The following RGPD2 variants were observed in gnomAD, a reference collection of about 807,000 sequenced individuals.
RGPD2 encodes RANBP2-like and GRIP domain-containing protein 2.
In RGPD2, 2 loss-of-function variants were observed where a neutral mutation model predicts 36.0. The observed-to-expected ratio is 0.06, with a 90% confidence interval of 0.02 to 0.17. The LOEUF is 0.17. Among genes scored for constraint, RGPD2 ranks in the 10% least tolerant of loss-of-function variants. The probability of loss-of-function intolerance (pLI) is 1.00; values close to 1 mark genes in which losing one functional copy is unlikely to be tolerated. For missense variants in RGPD2, 40 were observed against 464.3 expected, an observed-to-expected ratio of 0.09 and a Z score of 8.40; for synonymous variants, 19 against 163.8, an observed-to-expected ratio of 0.12 and a Z score of 6.75.
chr2:87,922,151 G>A, the RGPD2 span, among the ~76,000 whole-genome samples: 1 of 151,442 alleles, frequency 6.6e-6, no homozygotes, highest in Admixed American at 6.6e-5. Context: ...AAATTAGCTG[G>A]GCGTGGTGGC....
At chr2:87,846,344 T>C in the RGPD2 span, among the ~76,000 whole-genome samples, 13 of 152,100 alleles carry the variant, frequency 8.5e-5, no homozygotes, top group African/African-American at 3.1e-4. Flanking sequence ...TTGCATACCA[T>C]TGAATTATGC....
the RGPD2 span, among the ~76,000 whole-genome samples, chr2:87,961,467 G>A: frequency 6.6e-6 from 1 of 151,862 alleles, no homozygotes; most frequent in Non-Finnish European, 1.5e-5. Flanking sequence ...TTGGGAGGCC[G>A]AGGCGGGCGG....
the RGPD2 span, among the ~76,000 whole-genome samples, chr2:87,866,981 T>A: frequency 1.3e-5 from 2 of 152,190 alleles, no homozygotes; most frequent in Non-Finnish European, 2.9e-5. Context: ...AAATCGATTT[T>A]TTTTCTTTTT....
At chr2:87,961,670 C>G in the RGPD2 span, among the ~76,000 whole-genome samples, 5 of 110,984 alleles carry the variant, frequency 4.5e-5, no homozygotes, top group African/African-American at 1.7e-4. Context: ...CCACTGCACT[C>G]AAGCCTGGGC....
At chr2:87,972,982 T>C in the RGPD2 span, 2 of 1,613,946 alleles carry the variant, frequency 1.2e-6, no homozygotes, top group Middle Eastern at 1.7e-4. Flanking sequence ...GTCCTTTCCC[T>C]ACCGGTTCAC....
chr2:87,930,409 C>T, the RGPD2 span, among the ~76,000 whole-genome samples: 13 of 152,038 alleles, frequency 8.6e-5, no homozygotes, highest in East Asian at 9.7e-4. Flanking sequence ...TGCATCCTGG[C>T]GATAAAGCCT....
rs1558739928 is a variant in RGPD2 at position 87,825,527 on chromosome 2, GAGGCCGAGGCCGAGGCCGCCGCCCGGCCA to G, written c.72+102_72+130del. ...CCGAGGCCGAGGCCGCCGCCCGGCC[GAGGCCGAGGCCGAGGCCGCCGCCCGGCCA>G]GGTCGAGGCCGCCGCCCGGCCAGGT... On this transcript the variant is annotated intron_variant, in intron 1 of 22. Transcript: ENST00000398146. 446 of 271,922 alleles carry G rather than the reference GAGGCCGAGGCCGAGGCCGCCGCCCGGCCA, an allele frequency of 1.6e-3. 7 individuals are homozygous for G. Among genetic ancestry groups the G allele is most frequent in the Admixed American group, 0.014 (41 of 2,906 alleles). The allele number at this position is 271,922 out of a possible 1,614,324, so 16.8% of individuals were successfully genotyped here. A position where few individuals can be genotyped will look rare whatever the true frequency, so the allele number is the denominator to read the frequency against.
chr2:87,866,235 G>T, the RGPD2 span, among the ~76,000 whole-genome samples: 1 of 150,908 alleles, frequency 6.6e-6, no homozygotes, highest in Non-Finnish European at 1.5e-5. Flanking sequence ...TTTTTTGTGT[G>T]TATTCACAGA....
At chr2:87,809,612 G>T (rs1260651267) in intron 6 of RGPD2, among the ~76,000 whole-genome samples, 2 of 137,214 alleles carry the variant, frequency 1.5e-5, no homozygotes, top group Non-Finnish European at 3.2e-5. Context: ...CACAAGGGGG[G>T]GTAACAAAGG....
the RGPD2 span, among the ~76,000 whole-genome samples, chr2:87,842,023 A>C: frequency 6.7e-6 from 1 of 149,716 alleles, no homozygotes; most frequent in Non-Finnish European, 1.5e-5. Flanking sequence ...TTCATGCTAA[A>C]AACTCTCAAT....
At chr2:87,920,868 T>C in the RGPD2 span, among the ~76,000 whole-genome samples, 1 of 103,272 alleles carries the variant, frequency 9.7e-6, no homozygotes, top group Non-Finnish European at 2.0e-5. Context: ...CTAAGTCACT[T>C]AACCTCCTTA....
the RGPD2 span, among the ~76,000 whole-genome samples, chr2:87,857,691 C>T: frequency 4.6e-5 from 7 of 150,818 alleles, no homozygotes; most frequent in African/African-American, 1.7e-4. Flanking sequence ...GTAATCTCAG[C>T]ACTTTGGGAG....
chr2:87,915,374 TTA>T, the RGPD2 span, among the ~76,000 whole-genome samples: 4 of 125,774 alleles, frequency 3.2e-5, no homozygotes, highest in Non-Finnish European at 5.0e-5. Context: ...TATATGTATA[TTA>T]TATATATTGT....
At chr2:87,880,910 A>G in the RGPD2 span, among the ~76,000 whole-genome samples, 1 of 111,334 alleles carries the variant, frequency 9.0e-6, no homozygotes, top group Non-Finnish European at 1.8e-5. Flanking sequence ...CCAAGTTACG[A>G]TGGGGTACAA....
the RGPD2 span, among the ~76,000 whole-genome samples, chr2:87,857,373 C>T: frequency 1.3e-3 from 203 of 151,454 alleles, no homozygotes; most frequent in Non-Finnish European, 2.3e-3. Context: ...GACGGAGTCT[C>T]GCTCTGTTGC....
intron 21 of RGPD2, among the ~76,000 whole-genome samples, chr2:87,772,581 G>A (rs1240109088): frequency 2.2e-5 from 1 of 44,452 alleles, no homozygotes; most frequent in East Asian, 7.4e-4. Flanking sequence ...CATGAAAACC[G>A]GAACTCCAAC....
the RGPD2 span, among the ~76,000 whole-genome samples, chr2:87,840,591 CTTTATATACAGT>C: frequency 6.6e-6 from 1 of 151,832 alleles, no homozygotes; most frequent in Non-Finnish European, 1.5e-5. Context: ...GTATGATGTC[CTTTATATACAGT>C]TTTAGAAAGG....
At chr2:87,769,755 A>T (rs1446211378) in intron 22 of RGPD2, among the ~76,000 whole-genome samples, 2 of 151,238 alleles carry the variant, frequency 1.3e-5, no homozygotes, top group African/African-American at 4.8e-5. Context: ...CTATAAAATT[A>T]GTTATAATTT....
intron 6 of RGPD2, among the ~76,000 whole-genome samples, chr2:87,809,407 G>C (rs978873609): frequency 1.4e-5 from 2 of 146,428 alleles, no homozygotes; most frequent in Non-Finnish European, 3.0e-5. Context: ...GGTGGCTCAC[G>C]CCTGTAATCC....
Sources: gnomAD v4.1 joint callset for allele counts (sites outside exome capture counted in the v4.1 genomes callset) on GRCh38, gnomAD v4.1.1 for gene constraint, MANE v1.5 for transcripts, NCBI Gene and HGNC (gene_info 2026-07-23, HGNC 2026-07-21) for gene names.